SEC24D: variants seen among roughly 807,000 people sequenced by gnomAD.
SEC24D encodes protein transport protein Sec24D.
SEC24D carries 69 observed loss-of-function variants against 116.9 expected under a neutral mutation model. That is an observed-to-expected ratio of 0.59 (90% CI 0.49 to 0.72). The LOEUF (loss-of-function observed/expected upper bound fraction) is 0.72, where lower values mean the gene tolerates loss of function less well. Ranked by LOEUF, SEC24D falls within the 30% of genes least tolerant of loss-of-function variation. The probability of loss-of-function intolerance (pLI) is 0.00; values close to 1 mark genes in which losing one functional copy is unlikely to be tolerated. For missense variants in SEC24D, 1,131 were observed against 1,264.1 expected (o/e 0.89, Z 1.60); for synonymous variants, 405 against 442.8 (o/e 0.91, Z 1.07).
At chr4:118,808,316 T>C (rs1324410012) in intron 6 of SEC24D, among the ~76,000 whole-genome samples, 1 of 151,956 alleles carries the variant, frequency 6.6e-6, no homozygotes, top group Non-Finnish European at 1.5e-5. Context: ...CAACAAAGAG[T>C]CAAATATGAA....
chr4:118,817,531 T>G (rs1730203555), intron 3 of SEC24D, 119 bp from the exon 4 acceptor site: 1 of 699,534 alleles, frequency 1.4e-6, no homozygotes, highest in Non-Finnish European at 2.3e-6. Flanking sequence ...GGAAAATGAC[T>G]GATATTATAT....
intron 6 of SEC24D, among the ~76,000 whole-genome samples, chr4:118,812,995 G>A (rs973510940): frequency 6.6e-6 from 1 of 152,168 alleles, no homozygotes; most frequent in Non-Finnish European, 1.5e-5. Flanking sequence ...GAAGAAGCGA[G>A]CCACACCCCC....
chr4:118,824,426 G>A (rs1730513694), intron 3 of SEC24D, among the ~76,000 whole-genome samples, 194 bp downstream of exon 3: 1 of 152,190 alleles, frequency 6.6e-6, no homozygotes, highest in South Asian at 2.1e-4. Flanking sequence ...GATTAAAGCC[G>A]TGAACCATCA....
chr4:118,732,248 C>T (rs1438399632), intron 20 of SEC24D, among the ~76,000 whole-genome samples: 1 of 152,126 alleles, frequency 6.6e-6, no homozygotes, highest in Non-Finnish European at 1.5e-5. Context: ...AATTCCCCTG[C>T]CTCAGCCCCC....
rs1560737363 is a variant in SEC24D at position 118,810,136 on chromosome 4, GT to G, written c.802-4183del. Among the ~76,000 whole-genome samples, 1,085 of 119,286 alleles carry G rather than the reference GT, an allele frequency of 9.1e-3. 69 individuals are homozygous for G. The highest frequency in any genetic ancestry group is 0.029 in the Admixed American group (284 of 9,718). 78.3% of individuals were successfully genotyped at this position (119,286 alleles called of 152,430 possible). On this transcript the variant is annotated intron_variant, in intron 6 of 22. Coordinates refer to ENST00000280551, the MANE Select transcript of SEC24D (RefSeq NM_014822.4). ...TGTGTGTGTGTGTGTGTGTGTGTGTGTCAGAGGGTATAGGGGAGCCAGGGGT... is the reference window on the plus strand; with the variant it reads ...TGTGTGTGTGTGTGTGTGTGTGTGTGCAGAGGGTATAGGGGAGCCAGGGGT...
chr4:118,734,204 C>T (rs1725841707), intron 19 of SEC24D, among the ~76,000 whole-genome samples: 1 of 149,734 alleles, frequency 6.7e-6, no homozygotes, highest in Non-Finnish European at 1.5e-5. Flanking sequence ...TTCTTTTTAG[C>T]TTTCTCTCTT....
chr4:118,806,196 A>G (rs1330945392), intron 6 of SEC24D, among the ~76,000 whole-genome samples: 3 of 152,180 alleles, frequency 2.0e-5, no homozygotes, highest in African/African-American at 7.2e-5. Flanking sequence ...AATGGTTACA[A>G]TTTTAGAATA....
chr4:118,757,209 G>C (rs1727141936), intron 11 of SEC24D, among the ~76,000 whole-genome samples: 1 of 152,174 alleles, frequency 6.6e-6, no homozygotes, highest in Non-Finnish European at 1.5e-5. Flanking sequence ...GCAATGGCAA[G>C]GAATGTGGTG....
chr4:118,834,041 T>C (rs1387878538), intron 1 of SEC24D, among the ~76,000 whole-genome samples: 2 of 152,244 alleles, frequency 1.3e-5, no homozygotes, highest in Non-Finnish European at 2.9e-5. Flanking sequence ...TAGTCTCTCA[T>C]AGTGTTCCTA....
At chr4:118,723,800 A>C (rs1725269968) in intron 22 of SEC24D, 145 bp from the exon 23 acceptor site, 1 of 896,470 alleles carries the variant, frequency 1.1e-6, no homozygotes, top group Non-Finnish European at 1.7e-6. Context: ...AAAGTGCCTG[A>C]TATCTAGAGT....
rs546784750 is a variant in SEC24D at position 118,794,699 on chromosome 4, T to G, written c.1041+2984A>C. ...CCCCTGAGAAAAGCTGTGGGGATGG[T>G]TCTTGTAGGCACACTGATGGCAATA... is the stretch of plus-strand genomic sequence containing the variant. On this transcript the variant is annotated intron_variant, in intron 8 of 22. Transcript: ENST00000280551. Among the ~76,000 whole-genome samples, 4 of 152,302 alleles carry G rather than the reference T, an allele frequency of 2.6e-5. No individual in the cohort carries two copies. In the East Asian group the frequency reaches 7.7e-4, roughly 29 times the overall value.
intron 7 of SEC24D, among the ~76,000 whole-genome samples, chr4:118,800,949 C>T (rs1259143951): frequency 6.6e-6 from 1 of 151,752 alleles, no homozygotes; most frequent in East Asian, 1.9e-4. Flanking sequence ...CATGGGCAAC[C>T]GTGACATTTT....
Position 118,722,867 on chromosome 4 carries a change from A to C in SEC24D, c.*648T>G, listed in dbSNP as rs1203792276. 2 of 152,644 alleles carry C rather than the reference A, an allele frequency of 1.3e-5. No homozygotes were observed. The highest frequency in any genetic ancestry group is 4.8e-5 in the African/African-American group (2 of 41,468). The allele number at this position is 152,644 out of a possible 1,614,324, so 9.5% of individuals were successfully genotyped here. A position where few individuals can be genotyped will look rare whatever the true frequency, so the allele number is the denominator to read the frequency against. ...TTATTGATACTGGTTAACATCCATT[A>C]TATACAGGTAGAAACTTTCAAAATT... On this transcript the variant is annotated 3_prime_UTR_variant, in exon 23 of 23. Transcript: ENST00000280551.
intron 17 of SEC24D, among the ~76,000 whole-genome samples, chr4:118,740,263 T>A (rs1415129922): frequency 6.6e-6 from 1 of 152,170 alleles, no homozygotes; most frequent in Non-Finnish European, 1.5e-5. Context: ...TCCAGAACTG[T>A]GAGAAAATAA....
chr4:118,724,018 A>G (rs937066426), intron 22 of SEC24D, among the ~76,000 whole-genome samples: 15 of 152,184 alleles, frequency 9.9e-5, no homozygotes, highest in African/African-American at 3.4e-4. Context: ...CTGGCATGTA[A>G]ATTATCACAG....
intron 17 of SEC24D, 118 bp downstream of exon 17, chr4:118,740,545 G>C: frequency 8.7e-7 from 1 of 1,151,438 alleles, no homozygotes; most frequent in Middle Eastern, 2.0e-4. Context: ...TGACTTTGGA[G>C]AAAGAGTTGA....
chr4:118,820,551 T>C (rs1452175817), intron 3 of SEC24D, among the ~76,000 whole-genome samples: 1 of 152,152 alleles, frequency 6.6e-6, no homozygotes, highest in South Asian at 2.1e-4. Context: ...GGAATCCAGG[T>C]CCTCCTGCCC....
At chr4:118,830,419 C>A (rs556066464) in intron 2 of SEC24D, among the ~76,000 whole-genome samples, 214 of 152,200 alleles carry the variant, frequency 1.4e-3, no homozygotes, top group African/African-American at 4.6e-3. Flanking sequence ...GGAAGCTAGG[C>A]AACAGAGCAA....
At chr4:118,829,408 A>C (rs1170061876) in intron 2 of SEC24D, among the ~76,000 whole-genome samples, 2 of 152,134 alleles carry the variant, frequency 1.3e-5, no homozygotes, top group Non-Finnish European at 2.9e-5. Flanking sequence ...GCCACTTGGG[A>C]AGCTGGGGCA....
Sources: gnomAD v4.1 joint callset for allele counts (sites outside exome capture counted in the v4.1 genomes callset) on GRCh38, gnomAD v4.1.1 for gene constraint, MANE v1.5 for transcripts, NCBI Gene and HGNC (gene_info 2026-07-23, HGNC 2026-07-21) for gene names.